Variants in COX15 observed in about 807,000 individuals in gnomAD.
The protein encoded by COX15 is heme A synthase COX15.
A neutral mutation model predicts 51.9 loss-of-function variants in COX15; 51 were observed. That is an observed-to-expected ratio of 0.98 (90% CI 0.78 to 1.24). COX15 has a LOEUF of 1.24. COX15 is among the 50% of genes most tolerant of loss of function. The pLI is 0.00. For missense variants in COX15, 420 were observed against 501.1 expected (o/e 0.84, Z 1.55); for synonymous variants, 188 against 190.5 (o/e 0.99, Z 0.11).
intron 5 of COX15, 30 bp from the exon 6 acceptor site, chr10:99,721,098 A>T: frequency 1.3e-6 from 2 of 1,571,426 alleles, no homozygotes; most frequent in Non-Finnish European, 1.7e-6. Context: ...ATTCAGTTAA[A>T]CTGTGTTGCA....
intron 4 of COX15, 107 bp downstream of exon 4, chr10:99,726,861 C>G: frequency 8.6e-7 from 1 of 1,162,070 alleles, no homozygotes; most frequent in South Asian, 1.3e-5. Flanking sequence ...GCACTCCAGC[C>G]TGGGCGACAC....
intron 2 of COX15, 40 bp from the exon 3 acceptor site, chr10:99,727,603 C>A: frequency 6.2e-7 from 1 of 1,608,684 alleles, no homozygotes; most frequent in Non-Finnish European, 8.5e-7. Flanking sequence ...ATGCGTGAGG[C>A]TGGATTACTC....
At chr10:99,702,860 G>A in the COX15 span, among the ~76,000 whole-genome samples, 14 of 152,154 alleles carry the variant, frequency 9.2e-5, no homozygotes, top group African/African-American at 1.9e-4. Flanking sequence ...AGGCATGCTC[G>A]AACAGAAAGA....
At chr10:99,718,316 C>A (rs2036638942) in intron 7 of COX15, 30 bp downstream of exon 7, 1 of 1,613,544 alleles carries the variant, frequency 6.2e-7, no homozygotes, top group Admixed American at 1.7e-5. Context: ...CTCCTGTGCT[C>A]TCTGGCAGGT....
At chr10:99,717,207 C>T (rs2036606774) in intron 7 of COX15, among the ~76,000 whole-genome samples, 1 of 152,118 alleles carries the variant, frequency 6.6e-6, no homozygotes, top group Non-Finnish European at 1.5e-5. Flanking sequence ...ATCTCACACT[C>T]AACATACCTC....
chr10:99,723,468 G>A (rs2036846240), intron 5 of COX15, among the ~76,000 whole-genome samples: 1 of 151,820 alleles, frequency 6.6e-6, no homozygotes, highest in Non-Finnish European at 1.5e-5. Context: ...AAAATTCTAG[G>A]GAAAAAAATG....
chr10:99,703,932 A>G, the COX15 span, among the ~76,000 whole-genome samples: 1 of 152,068 alleles, frequency 6.6e-6, no homozygotes, highest in African/African-American at 2.4e-5. Context: ...TGTTATGTTG[A>G]CCAGGCTGGT....
At chr10:99,702,738 G>T in the COX15 span, 1 of 1,433,860 alleles carries the variant, frequency 7.0e-7, no homozygotes, top group East Asian at 2.5e-5. Flanking sequence ...CCTCAGAATC[G>T]GTTTCTTTCT....
In COX15 at chr10:99,732,052, T is replaced by A. The variant is rs562621108; in HGVS notation, c.-3A>T. On this transcript the variant is annotated 5_prime_UTR_variant, in exon 1 of 9. Coordinates refer to ENST00000016171, the MANE Select transcript of COX15 (RefSeq NM_078470.6). ...GGCGGAAAGAGCAATCGCTGCATAC[T>A]GATGACAGGGAACAGCCACCTCTTC... 2 of 1,612,196 alleles carry A rather than the reference T, an allele frequency of 1.2e-6. No individual in the cohort carries two copies. Among genetic ancestry groups the A allele is most frequent in the South Asian group, 1.1e-5 (1 of 90,598 alleles).
downstream of COX15, chr10:99,710,434 C>G: frequency 1.0e-6 from 1 of 980,680 alleles, no homozygotes; most frequent in Non-Finnish European, 1.2e-6. Context: ...TGAAAGACAT[C>G]TTTTTATTAT....
chr10:99,710,328 C>T (rs1000984), downstream of COX15: 1 of 985,314 alleles, frequency 1.0e-6, no homozygotes, highest in African/African-American at 1.7e-5. Flanking sequence ...ATTTGAAATT[C>T]TCATTCCACA....
At position 99,714,698 on chromosome 10, in the gene COX15, C is replaced by G; in HGVS notation, c.1122G>C (p.Thr374=). 6.2e-7 allele frequency: 1 copy of G among 1,613,530 alleles called. No individual in the cohort carries two copies. Among genetic ancestry groups the G allele is most frequent in the Non-Finnish European group, 8.5e-7 (1 of 1,179,962 alleles). The change falls in exon 9 of 9, where the codon ACG becomes ACC. Residue 374 remains threonine (T), a synonymous_variant. Transcript: ENST00000016171. ...AYTQVGLGIS[T]LLMYVPTPLA... ...GAGGAGTTGGGACATACATCAGCAGCGTGCTGATGCCCAAGCCCACCTGTC... is the reference window on the plus strand; with the variant it reads ...GAGGAGTTGGGACATACATCAGCAGGGTGCTGATGCCCAAGCCCACCTGTC...
At chr10:99,727,190 G>A in intron 3 of COX15, 36 bp from the exon 4 acceptor site, 1 of 1,596,834 alleles carries the variant, frequency 6.3e-7, no homozygotes, top group Non-Finnish European at 8.6e-7. Context: ...GGAGGAGGAG[G>A]AAACATCCTT....
Position 99,720,997 on chromosome 10 carries a change from C to T in COX15, c.822G>A (p.Thr274=), listed in dbSNP as rs955506347. ...AHGTAGLVFL[T]ALSGAFVAGL... is the part of the protein sequence containing the mutation. ...TGAGCTGAGTCCTACCTGAGAGGGC[C>T]GTAAGGAACACCAGACCTGCTGTTC... Residue 274 remains threonine (T), a synonymous_variant, in exon 6 of 9, where the codon ACG becomes ACA. Transcript: ENST00000016171. 3.7e-6 allele frequency: 6 copies of T among 1,613,374 alleles called. No individual in the cohort carries two copies. The highest frequency in any genetic ancestry group is 2.7e-5 in the African/African-American group (2 of 74,836).
chr10:99,697,620 A>T, the COX15 span: 213 of 155,656 alleles, frequency 1.4e-3, 1 homozygote, highest in African/African-American at 5.0e-3. Flanking sequence ...GTCTCTTCTC[A>T]ATAACAATTT....
chr10:99,709,444 G>A, downstream of COX15: 1 of 985,424 alleles, frequency 1.0e-6, no homozygotes. Flanking sequence ...GCAATAACTT[G>A]TGAGGATTTT....
the COX15 span, chr10:99,698,730 A>G: frequency 2.4e-5 from 38 of 1,614,218 alleles, no homozygotes; most frequent in Non-Finnish European, 2.8e-5. Context: ...ACTCAATGGC[A>G]TATATCAATC....
chr10:99,729,532 C>T (rs1209148673), intron 2 of COX15, 21 bp downstream of exon 2: 1 of 1,607,944 alleles, frequency 6.2e-7, no homozygotes, highest in African/African-American at 1.3e-5. Context: ...ATACCTGACT[C>T]ACTACGAGCA....
chr10:99,717,600 C>A lies in COX15; in HGVS notation c.987+746G>T, dbSNP rs183083324. 1.2e-3 allele frequency among the ~76,000 whole-genome samples: 185 copies of A among 152,268 alleles called. 1 individual carries two copies. Among genetic ancestry groups the A allele is most frequent in the Non-Finnish European group, 1.1e-3 (78 of 68,016 alleles). Reference sequence around the variant, plus strand: ...AATGCAGTAACGTGATCACAGCTTACTGCAGCCTCAAACTCCTGCTCAAAC... The same window carrying A: ...AATGCAGTAACGTGATCACAGCTTAATGCAGCCTCAAACTCCTGCTCAAAC... On this transcript the variant is annotated intron_variant, in intron 7 of 8. Coordinates refer to ENST00000016171, the MANE Select transcript of COX15 (RefSeq NM_078470.6).
Sources: allele counts gnomAD v4.1 joint callset (sites outside exome capture counted in the v4.1 genomes callset), GRCh38; gene constraint gnomAD v4.1.1; transcripts MANE v1.5; gene names NCBI Gene and HGNC (gene_info 2026-07-23, HGNC 2026-07-21).